ZFR: variants seen among roughly 807,000 people sequenced by gnomAD.
The protein encoded by ZFR is zinc finger RNA-binding protein.
Under a neutral mutation model 130.7 loss-of-function variants are expected in ZFR, and 19 were observed. The observed-to-expected ratio is 0.15, with a 90% CI of 0.10 to 0.21. The LOEUF (loss-of-function observed/expected upper bound fraction) is 0.21, where lower values mean the gene tolerates loss of function less well. Among genes scored for constraint, ZFR ranks in the 10% least tolerant of loss-of-function variants. ZFR has a pLI of 1.00. For missense variants in ZFR, 872 were observed against 1,321.5 expected (o/e 0.66, Z 5.27); for synonymous variants, 466 against 456.9 (o/e 1.02, Z -0.25).
intron 19 of ZFR, among the ~76,000 whole-genome samples, chr5:32,357,759 T>C (rs1396235296): frequency 6.6e-6 from 1 of 152,248 alleles, no homozygotes; most frequent in African/African-American, 2.4e-5. Flanking sequence ...TGTGGCTCCT[T>C]AAGTCAGCTG....
intron 17 of ZFR, 135 bp downstream of exon 17, chr5:32,378,980 G>C: frequency 1.3e-5 from 8 of 606,398 alleles, no homozygotes; most frequent in Non-Finnish European, 2.2e-5. Context: ...GACTCCCCCA[G>C]GATTTTTCAT....
chr5:32,376,607 CAAAAAAAAAGA>C (rs1329959602), intron 17 of ZFR, among the ~76,000 whole-genome samples: 1 of 113,096 alleles, frequency 8.8e-6, no homozygotes, highest in African/African-American at 3.4e-5. Flanking sequence ...GACTCTGTGT[CAAAAAAAAAGA>C]AAAAAAAAAG....
chr5:32,443,400 C>T (rs992694474), intron 2 of ZFR, among the ~76,000 whole-genome samples: 1 of 152,270 alleles, frequency 6.6e-6, no homozygotes, highest in Non-Finnish European at 1.5e-5. Context: ...CTTGCATCTT[C>T]TTCCCTCCCC....
At chr5:32,431,768 GAAA>G (rs35866437) in intron 2 of ZFR, among the ~76,000 whole-genome samples, 2 of 123,756 alleles carry the variant, frequency 1.6e-5, no homozygotes, top group Non-Finnish European at 1.7e-5. Flanking sequence ...ATATAACATT[GAAA>G]AAAAAAAAAA....
At chr5:32,397,146 C>T (rs1753332718) in intron 10 of ZFR, 73 bp downstream of exon 10, 32 of 1,501,578 alleles carry the variant, frequency 2.1e-5, no homozygotes, top group Non-Finnish European at 2.7e-5. Flanking sequence ...CTTTCTTTTA[C>T]ATAAAGAATG....
chr5:32,357,065 T>C (rs1192414817), intron 19 of ZFR, among the ~76,000 whole-genome samples: 2 of 152,118 alleles, frequency 1.3e-5, no homozygotes, highest in African/African-American at 4.8e-5. Context: ...CACAACTCAC[T>C]GCAACCTCGA....
At chr5:32,415,799 A>G (rs1753814185) in intron 4 of ZFR, among the ~76,000 whole-genome samples, 1 of 152,216 alleles carries the variant, frequency 6.6e-6, no homozygotes, top group African/African-American at 2.4e-5. Context: ...TGCCTCTGAC[A>G]TACTCAAAAC....
At chr5:32,378,750 A>C (rs1752879227) in intron 17 of ZFR, among the ~76,000 whole-genome samples, 2 of 151,982 alleles carry the variant, frequency 1.3e-5, no homozygotes, top group South Asian at 4.1e-4. Flanking sequence ...ACAGTTCCCA[A>C]CCACATACAT....
At chr5:32,390,209 ATTGTTTTC>A in intron 12 of ZFR, 58 bp downstream of exon 12, 2 of 1,542,966 alleles carry the variant, frequency 1.3e-6, no homozygotes, top group Non-Finnish European at 8.8e-7. Flanking sequence ...CCCCTCCAAA[ATTGTTTTC>A]TTCTAATGCT....
At chr5:32,435,763 A>G (rs1754318336) in intron 2 of ZFR, among the ~76,000 whole-genome samples, 1 of 152,332 alleles carries the variant, frequency 6.6e-6, no homozygotes, top group Middle Eastern at 3.4e-3. Flanking sequence ...TTTCCCAGAA[A>G]TATGAATTCA....
Position 32,395,230 on chromosome 5 carries a change from C to T in ZFR, c.1908G>A (p.Met636Ile). 6.2e-7 allele frequency: 1 copy of T among 1,610,854 alleles called. No individual in the cohort carries two copies. Among genetic ancestry groups the T allele is most frequent in the Non-Finnish European group, 8.5e-7 (1 of 1,178,398 alleles). Residue 636 changes from methionine (M) to isoleucine (I), a missense_variant, in exon 11 of 20, where the codon ATG becomes ATA. By Grantham distance (10) the Met-to-Ile change is conservative (BLOSUM62 1). Transcript: ENST00000265069. ...ACTCCTCCTTCTGCATTTGCTTCCT[C>T]ATTTTCTCTTCTTGAATCTTTCTTG... ...IRARKIQEEK[M>I]RKQMQKEEYW...
intron 11 of ZFR, among the ~76,000 whole-genome samples, chr5:32,391,059 G>A (rs1335746274): frequency 6.6e-6 from 1 of 152,180 alleles, no homozygotes; most frequent in African/African-American, 2.4e-5. Context: ...GTCAACCACA[G>A]TATACAAATA....
chr5:32,390,485 C>T, intron 11 of ZFR, 48 bp from the exon 12 acceptor site: 1 of 1,535,904 alleles, frequency 6.5e-7, no homozygotes, highest in Non-Finnish European at 8.9e-7. Flanking sequence ...AAAATACAGC[C>T]CAAGAACTTG....
chr5:32,395,199 G>A lies in ZFR; in HGVS notation c.1939C>T (p.Arg647Ter), dbSNP rs1753275171. The change falls in exon 11 of 20, where the codon CGA becomes TGA. Residue 647 changes from arginine to a stop codon, truncating the protein, a stop_gained. Transcript: ENST00000265069. LOFTEE classifies it high-confidence loss of function. ...CAACGCTCCTCTTCTTCTCGTCTTC[G>A]CCAGTACTCCTCCTTCTGCATTTGC... ...RKQMQKEEYW[R>*]RREEEERWRM... 6.2e-7 allele frequency: 1 copy of A among 1,607,298 alleles called. No homozygotes were observed. The highest frequency in any genetic ancestry group is 8.5e-7 in the Non-Finnish European group (1 of 1,176,672).
intron 19 of ZFR, among the ~76,000 whole-genome samples, chr5:32,357,438 G>A (rs1156296507): frequency 6.6e-6 from 1 of 151,920 alleles, no homozygotes; most frequent in Admixed American, 6.6e-5. Context: ...GCTAACTTTT[G>A]TATTTTTAGT....
chr5:32,415,527 C>CGCGCGT (rs1561908605), intron 4 of ZFR, among the ~76,000 whole-genome samples: 1 of 144,804 alleles, frequency 6.9e-6, no homozygotes, highest in East Asian at 2.1e-4. Context: ...CGCGCGCGCG[C>CGCGCGT]GCGCGCACTA....
At chr5:32,404,217 G>T in intron 6 of ZFR, 120 bp from the exon 7 acceptor site, 1 of 782,782 alleles carries the variant, frequency 1.3e-6, no homozygotes, top group Non-Finnish European at 2.0e-6. Flanking sequence ...AACTTTTTAA[G>T]TTGAAAAAGG....
At chr5:32,356,612 G>T (rs561835024) in intron 19 of ZFR, among the ~76,000 whole-genome samples, 8 of 151,970 alleles carry the variant, frequency 5.3e-5, no homozygotes, top group Non-Finnish European at 1.2e-4. Context: ...GTAGAGACGG[G>T]GTTTCACTGT....
intron 17 of ZFR, among the ~76,000 whole-genome samples, chr5:32,367,078 ATTTT>A (rs1008341397): frequency 1.3e-5 from 2 of 151,780 alleles, no homozygotes; most frequent in African/African-American, 4.8e-5. Context: ...CTTTTTATTT[ATTTT>A]TTGAGAGACA....
Sources: gnomAD v4.1 joint callset for allele counts (sites outside exome capture counted in the v4.1 genomes callset) on GRCh38, gnomAD v4.1.1 for gene constraint, MANE v1.5 for transcripts, NCBI Gene and HGNC (gene_info 2026-07-23, HGNC 2026-07-21) for gene names.